BRSK2: variants seen among roughly 807,000 people sequenced by gnomAD.
The protein encoded by BRSK2 is BR serine/threonine kinase 2.
Under a neutral mutation model 83.3 loss-of-function variants are expected in BRSK2, and 19 were observed. The observed-to-expected ratio is 0.23, with a 90% CI of 0.16 to 0.33. The LOEUF is 0.33. Among genes scored for constraint, BRSK2 ranks in the 10% least tolerant of loss-of-function variants. BRSK2 has a pLI of 1.00. For synonymous variants in BRSK2, 519 were observed against 435.4 expected (o/e 1.19, Z -2.39); for missense variants, 798 against 1,042.3 (o/e 0.77, Z 3.23).
At position 1,411,646 on chromosome 11, in the gene BRSK2, C is replaced by G; in HGVS notation, c.91+21271C>G. 4 of 1,537,564 alleles carry G rather than the reference C, an allele frequency of 2.6e-6. No homozygotes were observed. The South Asian group carries it at 3.5e-5, about 14-fold the overall frequency. ...CCCAGCCCAGCAGGTGCGTGCCACGCTCCCTGGCTGGCCAGGGCCCCTCGA... is the reference window on the plus strand; with the variant it reads ...CCCAGCCCAGCAGGTGCGTGCCACGGTCCCTGGCTGGCCAGGGCCCCTCGA... On this transcript the variant is annotated intron_variant, in intron 1 of 19. Coordinates refer to ENST00000528841, the MANE Select transcript of BRSK2 (RefSeq NM_001256627.2).
rs888377553 is a variant in BRSK2 at position 1,423,688 on chromosome 11, C to A, written c.92-12352C>A. Among the ~76,000 whole-genome samples the A allele has an allele frequency of 7.1e-6, 1 of 140,080 alleles. No individual in the cohort carries two copies. Among genetic ancestry groups the A allele is most frequent in the Non-Finnish European group, 1.5e-5 (1 of 66,200 alleles). 91.9% of individuals were successfully genotyped at this position (140,080 alleles called of 152,430 possible). On this transcript the variant is annotated intron_variant, in intron 1 of 19. Transcript: ENST00000528841. This position sits in a 1 kb window ranked among gnomAD's most constrained non-coding sequence, Gnocchi z 6.5. ...CCCAAGCCTCCCCCGCTGGGCGTTC[C>A]GGGTGCCCCAGGCCTCCCCCGCTGG...
chr11:1,408,779 TTGGC>T (rs56958929), intron 1 of BRSK2, among the ~76,000 whole-genome samples: 63,072 of 111,908 alleles, frequency 0.56, 13,957 homozygotes, highest in Non-Finnish European at 0.61. Context: ...GTGTGTGTGT[TTGGC>T]TGTGCAAGGG....
At chr11:1,441,063 T>C in intron 4 of BRSK2, 135 bp downstream of exon 4, 1 of 706,686 alleles carries the variant, frequency 1.4e-6, no homozygotes, top group South Asian at 1.9e-5. Context: ...CCCCATTAGC[T>C]GCCCCTCAAG....
intron 1 of BRSK2, among the ~76,000 whole-genome samples, chr11:1,394,433 G>T (rs1333247034): frequency 1.6e-5 from 1 of 63,476 alleles, no homozygotes; most frequent in Non-Finnish European, 2.9e-5. Flanking sequence ...ATGGAGATGG[G>T]TCCTGGAGAT....
rs1330037068 is a variant in BRSK2, at chr11:1,456,510, A to G, written c.1831A>G (p.Thr611Ala). Residue 611 changes from threonine to alanine, a missense_variant, in exon 17 of 20, where the codon ACC becomes GCC. Thr to Ala is a moderately conservative substitution (Grantham distance 58). Transcript: ENST00000528841. ...GAAGGAGAACGGCATCTACTCCGTCACCTTCACCCTGCTCTCAGGTGAGCT... is the reference window on the plus strand; with the variant it reads ...GAAGGAGAACGGCATCTACTCCGTCGCCTTCACCCTGCTCTCAGGTGAGCT... ...AQKENGIYSV[T>A]FTLLSGPSRR... 1 of 1,579,042 alleles carries G rather than the reference A, an allele frequency of 6.3e-7. No individual in the cohort carries two copies. The highest frequency in any genetic ancestry group is 2.2e-5 in the East Asian group (1 of 44,458).
At position 1,438,426 on chromosome 11, in the gene BRSK2, G is replaced by T; in HGVS notation, c.272+35G>T. On this transcript the variant is annotated intron_variant, in intron 3 of 19. Transcript: ENST00000528841. The surrounding 1 kb of genome is among the most constrained non-coding windows in gnomAD (Gnocchi z 6.4). Reference sequence around the variant, plus strand: ...GCTGGGTCTGAAGAGCTGGGGTGGCGGAGGTGGCAGCTGTCGCTGCAGGGG... The same window carrying T: ...GCTGGGTCTGAAGAGCTGGGGTGGCTGAGGTGGCAGCTGTCGCTGCAGGGG... 1.3e-6 allele frequency: 2 copies of T among 1,596,538 alleles called. No homozygotes were observed. The highest frequency in any genetic ancestry group is 1.1e-5 in the South Asian group (1 of 90,644).
In BRSK2 at chr11:1,429,526, G is replaced by C. The variant is rs1328719543; in HGVS notation, c.92-6514G>C. Among the ~76,000 whole-genome samples, 2 of 122,330 alleles carry C rather than the reference G, an allele frequency of 1.6e-5. 1 individual carries two copies. Among genetic ancestry groups the C allele is most frequent in the Middle Eastern group, 7.0e-3 (2 of 284 alleles). The allele number at this position is 122,330 out of a possible 152,430, so 80.3% of individuals were successfully genotyped here. On this transcript the variant is annotated intron_variant, in intron 1 of 19. Transcript: ENST00000528841. ...GCTGCTCTGTCGCCAGCATCCTGCT[G>C]TGCCCAGCAGTGAGCGTCTTCTGCG...
chr11:1,461,161 C>CG lies in BRSK2; in HGVS notation c.*443dup. On this transcript the variant is annotated 3_prime_UTR_variant, in exon 20 of 20. Coordinates refer to ENST00000528841, the MANE Select transcript of BRSK2 (RefSeq NM_001256627.2). ...CGGCCCGTGGGAGGAAGGCCAGGCT[C>CG]GGGGGAGCCTCCTCCAGCCCGGCCG... The CG allele has an allele frequency of 9.9e-7, 1 of 1,014,310 alleles. No individual in the cohort carries two copies. Among genetic ancestry groups the CG allele is most frequent in the Non-Finnish European group, 1.4e-6 (1 of 719,290 alleles). The allele number at this position is 1,014,310 out of a possible 1,614,324, so 62.8% of individuals were successfully genotyped here. A position where few individuals can be genotyped will look rare whatever the true frequency, so the allele number is the denominator to read the frequency against.
At chr11:1,420,671 C>T (rs934471950) in intron 1 of BRSK2, among the ~76,000 whole-genome samples, 2 of 152,228 alleles carry the variant, frequency 1.3e-5, no homozygotes, top group Non-Finnish European at 2.9e-5. Context: ...GCTCCAGCCT[C>T]TTCCTCCACT....
At chr11:1,456,774 CG>C (rs1158175706) in intron 18 of BRSK2, 87 bp downstream of exon 18, 4 of 1,407,274 alleles carry the variant, frequency 2.8e-6, no homozygotes, top group Non-Finnish European at 3.9e-6. Flanking sequence ...CGTGAGGACC[CG>C]GGCGCAGCCT....
chr11:1,440,309 T>TC (rs1034373136), intron 3 of BRSK2, among the ~76,000 whole-genome samples: 2 of 152,000 alleles, frequency 1.3e-5, no homozygotes, highest in Non-Finnish European at 2.9e-5. Context: ...CACCTCCTGT[T>TC]CCCCCCACAG....
In BRSK2 at chr11:1,445,370, G is replaced by A. The variant is rs1445282678; in HGVS notation, c.889G>A (p.Asp297Asn). The change falls in exon 10 of 20, where the codon GAC (aspartate) becomes AAC (asparagine). Residue 297 changes from aspartate (D) to asparagine (N), a missense_variant. By Grantham distance (23) the Asp-to-Asn change is conservative (BLOSUM62 1). Transcript: ENST00000528841. ...GATCCGCTCGCTGCCCAGCCTGGAG[G>A]ACATCGACCCCGACGTGCTGGACAG... ...VQIRSLPSLE[D>N]IDPDVLDSMH... is the part of the protein sequence containing the mutation. 2 of 1,611,954 alleles carry A rather than the reference G, an allele frequency of 1.2e-6. No individual in the cohort carries two copies. Among genetic ancestry groups the A allele is most frequent in the South Asian group, 1.1e-5 (1 of 90,886 alleles).
chr11:1,413,450 T>G (rs7102279), intron 1 of BRSK2, among the ~76,000 whole-genome samples: 1 of 152,040 alleles, frequency 6.6e-6, no homozygotes, highest in East Asian at 1.9e-4. Context: ...TGTCCAGCCC[T>G]GAGGGCCCTG....
intron 1 of BRSK2, among the ~76,000 whole-genome samples, chr11:1,407,580 G>A (rs975493672): frequency 2.6e-5 from 4 of 152,202 alleles, no homozygotes; most frequent in African/African-American, 9.7e-5. Flanking sequence ...CTAGCAGCCT[G>A]GTTCTAGCAG....
At chr11:1,408,346 G>A (rs530697720) in intron 1 of BRSK2, among the ~76,000 whole-genome samples, 18 of 152,324 alleles carry the variant, frequency 1.2e-4, no homozygotes, top group Non-Finnish European at 2.5e-4. Flanking sequence ...GGAGGGTGGA[G>A]TCCAGGGTCC....
At chr11:1,450,991 C>T (rs1255543132) in intron 14 of BRSK2, among the ~76,000 whole-genome samples, 197 bp downstream of exon 14, 1 of 152,226 alleles carries the variant, frequency 6.6e-6, no homozygotes, top group East Asian at 1.9e-4. Context: ...CTGGTATCCC[C>T]TCCAGACATT....
At chr11:1,411,791 TGCCTGCCCCTATGTGGAGAGGC>T (rs1359577015) in intron 1 of BRSK2, among the ~76,000 whole-genome samples, 12 of 152,210 alleles carry the variant, frequency 7.9e-5, no homozygotes, top group African/African-American at 1.4e-4. Context: ...ACGCTGGCGC[TGCCTGCCCCTATGTGGAGAGGC>T]GCCTGCCCCT....
chr11:1,427,565 T>C (rs1181702026), intron 1 of BRSK2, among the ~76,000 whole-genome samples: 1 of 152,150 alleles, frequency 6.6e-6, no homozygotes, highest in African/African-American at 2.4e-5. Context: ...GACCCAGCAC[T>C]CTTGGGCACC....
chr11:1,454,390 G>A lies in BRSK2; in HGVS notation c.1545-95G>A. On this transcript the variant is annotated intron_variant, in intron 15 of 19. Coordinates refer to ENST00000528841, the MANE Select transcript of BRSK2 (RefSeq NM_001256627.2). This position sits in a 1 kb window ranked among gnomAD's most constrained non-coding sequence, Gnocchi z 5.2. Reference sequence around the variant, plus strand: ...CAGCCGTTTCTATCACGAAGCGATGGAAGATTCCGCCGTTCCAACCCCAGA... The same window carrying A: ...CAGCCGTTTCTATCACGAAGCGATGAAAGATTCCGCCGTTCCAACCCCAGA... 7.6e-6 allele frequency: 11 copies of A among 1,452,890 alleles called. No individual in the cohort carries two copies. The highest frequency in any genetic ancestry group is 1.2e-5 in the South Asian group (1 of 83,392). 90.0% of individuals were successfully genotyped at this position (1,452,890 alleles called of 1,614,324 possible). A position where few individuals can be genotyped will look rare whatever the true frequency, so the allele number is the denominator to read the frequency against.
Sources: allele counts gnomAD v4.1 joint callset (sites outside exome capture counted in the v4.1 genomes callset), GRCh38; gene constraint gnomAD v4.1.1; non-coding constraint Gnocchi (gnomAD v3.1); transcripts MANE v1.5; gene names NCBI Gene and HGNC (gene_info 2026-07-23, HGNC 2026-07-21).